KIAA0319: variants seen among roughly 807,000 people sequenced by gnomAD.
KIAA0319 encodes the protein dyslexia-associated protein KIAA0319.
In KIAA0319, 83 loss-of-function variants were observed where a neutral mutation model predicts 108.4. The observed-to-expected ratio is 0.77, with a 90% CI of 0.64 to 0.92. The LOEUF (loss-of-function observed/expected upper bound fraction) is 0.92, where lower values mean the gene tolerates loss of function less well. KIAA0319 is among the 40% of genes least tolerant of loss of function. The pLI, the probability that KIAA0319 is intolerant of heterozygous loss-of-function variation, is 0.00. For synonymous variants in KIAA0319, 484 were observed against 510.4 expected, an observed-to-expected ratio of 0.95 and a Z score of 0.70; for missense variants, 1,195 against 1,322.4, an observed-to-expected ratio of 0.90 and a Z score of 1.49.
chr6:24,629,730 T>A (rs1464782214), intron 1 of KIAA0319, among the ~76,000 whole-genome samples: 1 of 152,018 alleles, frequency 6.6e-6, no homozygotes, highest in Non-Finnish European at 1.5e-5. Context: ...TGAGATAAAA[T>A]TTTTAATGAA....
chr6:24,548,154 G>A (rs1025339968), intron 20 of KIAA0319, among the ~76,000 whole-genome samples: 1 of 152,142 alleles, frequency 6.6e-6, no homozygotes, highest in Non-Finnish European at 1.5e-5. Flanking sequence ...TTATGGCAGG[G>A]GTTGCTTCAG....
intron 2 of KIAA0319, chr6:24,598,980 G>C (rs1770185890): frequency 3.0e-6 from 2 of 660,630 alleles, no homozygotes; most frequent in East Asian, 5.6e-5. Flanking sequence ...GGTAAAGCTG[G>C]AGGAGTCTCG....
intron 1 of KIAA0319, among the ~76,000 whole-genome samples, chr6:24,627,273 A>G (rs1479962993): frequency 1.3e-5 from 2 of 152,204 alleles, no homozygotes; most frequent in East Asian, 3.8e-4. Flanking sequence ...TTATGTGTAC[A>G]GTGCAGAAAT....
At chr6:24,576,316 G>A (rs1765495415) in intron 10 of KIAA0319, 52 bp downstream of exon 10, 3 of 1,434,472 alleles carry the variant, frequency 2.1e-6, no homozygotes, top group African/African-American at 1.4e-5. Flanking sequence ...ACATAGCTAG[G>A]TAGACAGACA....
chr6:24,638,783 A>G (rs1285320356), intron 1 of KIAA0319, among the ~76,000 whole-genome samples: 1 of 152,152 alleles, frequency 6.6e-6, no homozygotes, highest in African/African-American at 2.4e-5. Flanking sequence ...AGAATTAGAA[A>G]GAGGCAAGAT....
At chr6:24,633,326 A>G (rs973243877) in intron 1 of KIAA0319, among the ~76,000 whole-genome samples, 2 of 152,222 alleles carry the variant, frequency 1.3e-5, no homozygotes, top group African/African-American at 2.4e-5. Flanking sequence ...ATGACAGAGA[A>G]GCTCTTTTTA....
intron 1 of KIAA0319, among the ~76,000 whole-genome samples, chr6:24,615,581 T>C (rs182131001): frequency 1.4e-4 from 21 of 152,340 alleles, no homozygotes; most frequent in African/African-American, 5.1e-4. Context: ...GATAATGTGA[T>C]ATGCCCTATA....
rs143683167 is a variant in KIAA0319, at chr6:24,624,277, A to G, written c.-106+21459T>C. Among the ~76,000 whole-genome samples, 705 of 150,224 alleles carry G rather than the reference A, an allele frequency of 4.7e-3. 6 individuals carry two copies. The highest frequency in any genetic ancestry group is 0.015 in the African/African-American group (620 of 40,880). ...GGCTGGTCTAGAACTTCTGGGCCCAAATGACCATCTACCTCGGCCTCCCAA... is the reference window on the plus strand; with the variant it reads ...GGCTGGTCTAGAACTTCTGGGCCCAGATGACCATCTACCTCGGCCTCCCAA... On this transcript the variant is annotated intron_variant, in intron 1 of 20. Coordinates refer to ENST00000378214, the MANE Select transcript of KIAA0319 (RefSeq NM_014809.4).
chr6:24,602,670 G>A (rs1051427874), intron 1 of KIAA0319, among the ~76,000 whole-genome samples: 3 of 152,200 alleles, frequency 2.0e-5, no homozygotes, highest in East Asian at 3.9e-4. Context: ...GCGTGGTGGC[G>A]GGCGCCTGTA....
At chr6:24,639,497 C>T (rs952275205) in intron 1 of KIAA0319, among the ~76,000 whole-genome samples, 1 of 152,122 alleles carries the variant, frequency 6.6e-6, no homozygotes, top group Non-Finnish European at 1.5e-5. Context: ...TATATTCTTA[C>T]TAAAAGAGTT....
rs560265725 is a variant in KIAA0319 at position 24,582,470 on chromosome 6, CTTTCTT to C, written c.1094-130_1094-125del. On this transcript the variant is annotated intron_variant, in intron 5 of 20. Coordinates refer to ENST00000378214, the MANE Select transcript of KIAA0319 (RefSeq NM_014809.4). ...ATTACCTTAGATATACTCAACTCAG[CTTTCTT>C]TTTTTTTTTTAACTTATATATATAT... The C allele has an allele frequency of 3.3e-3, 1,285 of 393,214 alleles. 2 individuals are homozygous for C. Among genetic ancestry groups the C allele is most frequent in the East Asian group, 0.018 (410 of 22,834 alleles). The allele number at this position is 393,214 out of a possible 1,614,324, so 24.4% of individuals were successfully genotyped here. A position where few individuals can be genotyped will look rare whatever the true frequency, so the allele number is the denominator to read the frequency against.
chr6:24,588,849 C>T, intron 3 of KIAA0319, 64 bp from the exon 4 acceptor site: 2 of 1,298,252 alleles, frequency 1.5e-6, no homozygotes, highest in South Asian at 2.6e-5. Context: ...CTTCAAGCAA[C>T]TCAATGTTAC....
intron 9 of KIAA0319, 54 bp from the exon 10 acceptor site, chr6:24,576,650 T>G: frequency 1.4e-6 from 2 of 1,414,428 alleles, no homozygotes; most frequent in South Asian, 2.3e-5. Flanking sequence ...CTGGGTGCAG[T>G]GACTCACGCC....
At position 24,599,566 on chromosome 6, in the gene KIAA0319, G is replaced by C. The variant is rs1301558581; in HGVS notation, c.55+1483C>G. The stretch of plus-strand genomic sequence containing the variant: ...GGCGAGGAGAGCTGGCTGGAGTCTG[G>C]GATGCAGAACATGAATATCCATACA... On this transcript the variant is annotated intron_variant, in intron 2 of 20. Coordinates refer to ENST00000378214, the MANE Select transcript of KIAA0319 (RefSeq NM_014809.4). The surrounding 1 kb of genome is among the most constrained non-coding windows in gnomAD (Gnocchi z 4.1). The C allele has an allele frequency of 6.7e-6, 4 of 596,310 alleles. No individual in the cohort carries two copies. The highest frequency in any genetic ancestry group is 3.7e-5 in the African/African-American group (2 of 54,302). 36.9% of individuals were successfully genotyped at this position (596,310 alleles called of 1,614,324 possible). A position where few individuals can be genotyped will look rare whatever the true frequency, so the allele number is the denominator to read the frequency against.
In KIAA0319 at chr6:24,596,331, C is replaced by T. The variant is rs1406635725; in HGVS notation, c.343G>A (p.Asp115Asn). Residue 115 changes from aspartate to asparagine, a missense_variant, in exon 3 of 21, where the codon GAC becomes AAC. Physicochemically the swap from Asp to Asn is conservative, Grantham distance 23. Coordinates refer to ENST00000378214, the MANE Select transcript of KIAA0319 (RefSeq NM_014809.4). Reference protein sequence around the residue: ...RPVQRPAQLLDYGDMMLNRGS... With the variant: ...RPVQRPAQLLNYGDMMLNRGS... Reference sequence around the variant, plus strand: ...CTGTTCAGCATCATGTCCCCATAGTCCAGCAGCTGTGCAGGCCTCTGAACA... The same window carrying T: ...CTGTTCAGCATCATGTCCCCATAGTTCAGCAGCTGTGCAGGCCTCTGAACA... 2 of 1,614,208 alleles carry T rather than the reference C, an allele frequency of 1.2e-6. No individual in the cohort carries two copies. Among genetic ancestry groups the T allele is most frequent in the Non-Finnish European group, 1.7e-6 (2 of 1,180,016 alleles).
chr6:24,550,652 G>C (rs1761342418), intron 20 of KIAA0319, among the ~76,000 whole-genome samples: 1 of 152,132 alleles, frequency 6.6e-6, no homozygotes, highest in Non-Finnish European at 1.5e-5. Context: ...AAAAATGTTA[G>C]GCTTTAAAGT....
Position 24,545,369 on chromosome 6 carries a change from T to TA in KIAA0319, c.*1795dup, listed in dbSNP as rs1760501598. 1 of 152,154 alleles carries TA rather than the reference T, an allele frequency of 6.6e-6. No homozygotes were observed. Among genetic ancestry groups the TA allele is most frequent in the African/African-American group, 2.4e-5 (1 of 41,424 alleles). 9.4% of individuals were successfully genotyped at this position (152,154 alleles called of 1,614,324 possible). A position where few individuals can be genotyped will look rare whatever the true frequency, so the allele number is the denominator to read the frequency against. ...ATGTAAACTGCATATGTTATGTACA[T>TA]AAAGCGGTAAATGTTCACTCCCTTC... On this transcript the variant is annotated 3_prime_UTR_variant, in exon 21 of 21. Coordinates refer to ENST00000378214, the MANE Select transcript of KIAA0319 (RefSeq NM_014809.4).
intron 1 of KIAA0319, among the ~76,000 whole-genome samples, chr6:24,638,217 A>ATT (rs2127596044): frequency 6.6e-6 from 1 of 152,338 alleles, no homozygotes; most frequent in South Asian, 2.1e-4. Flanking sequence ...AATCATAATA[A>ATT]AATAACAAGA....
At chr6:24,562,457 G>C (rs1158155593) in intron 16 of KIAA0319, among the ~76,000 whole-genome samples, 1 of 152,148 alleles carries the variant, frequency 6.6e-6, no homozygotes, top group Non-Finnish European at 1.5e-5. Context: ...CAATAGCTAG[G>C]CAAATGGAGT....
Sources: allele counts gnomAD v4.1 joint callset (sites outside exome capture counted in the v4.1 genomes callset), GRCh38; gene constraint gnomAD v4.1.1; non-coding constraint Gnocchi (gnomAD v3.1); transcripts MANE v1.5; gene names NCBI Gene and HGNC (gene_info 2026-07-23, HGNC 2026-07-21).